R3HCC1L: variants seen among roughly 807,000 people sequenced by gnomAD.
The protein encoded by R3HCC1L is R3H domain and coiled-coil containing 1 like.
A neutral mutation model predicts 59.9 loss-of-function variants in R3HCC1L; 51 were observed. The ratio of observed to expected loss-of-function variants is 0.85; its 90% CI spans 0.68 to 1.07. The LOEUF (loss-of-function observed/expected upper bound fraction) is 1.07. R3HCC1L is among the 50% of genes least tolerant of loss of function. The probability of loss-of-function intolerance (pLI) is 0.00; values close to 1 mark genes in which losing one functional copy is unlikely to be tolerated. For missense variants in R3HCC1L, 965 were observed against 933.0 expected, an observed-to-expected ratio of 1.03 and a Z score of -0.45; for synonymous variants, 322 against 315.2, an observed-to-expected ratio of 1.02 and a Z score of -0.23.
chr10:98,193,197 C>G (rs182940059), intron 4 of R3HCC1L, among the ~76,000 whole-genome samples: 2 of 151,882 alleles, frequency 1.3e-5, no homozygotes, highest in Non-Finnish European at 2.9e-5. Context: ...GAAGTTTTTC[C>G]TCTAAGATCA....
intron 4 of R3HCC1L, among the ~76,000 whole-genome samples, chr10:98,188,241 G>A (rs1026293121): frequency 4.6e-5 from 7 of 152,166 alleles, no homozygotes; most frequent in African/African-American, 7.2e-5. Flanking sequence ...AACTAAAAAT[G>A]ATAAGGTATT....
chr10:98,209,645 A>G lies in R3HCC1L; in HGVS notation c.1531A>G (p.Ser511Gly). Residue 511 changes from serine (S) to glycine (G), a missense_variant, in exon 5 of 10, where the codon AGT (serine) becomes GGT (glycine). By Grantham distance (56) the Ser-to-Gly change is moderately conservative (BLOSUM62 0). Transcript: ENST00000298999. ...CAGTGCCGTGGGCATTGACCTGGGT[A>G]GTACTGGTGATACAACAGAAGCATT... ...SDSAVGIDLG[S>G]TGDTTEALHE... is the part of the protein sequence containing the mutation. 1 of 1,614,042 alleles carries G rather than the reference A, an allele frequency of 6.2e-7. No homozygotes were observed. Among genetic ancestry groups the G allele is most frequent in the Non-Finnish European group, 8.5e-7 (1 of 1,179,950 alleles).
At chr10:98,135,208 G>T (rs1037146831) in intron 1 of R3HCC1L, among the ~76,000 whole-genome samples, 1 of 152,066 alleles carries the variant, frequency 6.6e-6, no homozygotes. Flanking sequence ...GCTTTTTCTT[G>T]GCAGGCCTGC....
At chr10:98,213,104 A>T (rs188150487) in intron 5 of R3HCC1L, among the ~76,000 whole-genome samples, 70 of 152,282 alleles carry the variant, frequency 4.6e-4, no homozygotes, top group African/African-American at 1.7e-3. Context: ...GAAAACCCAA[A>T]ACTGAAAGGA....
rs751664482 is a variant in R3HCC1L at position 98,208,454 on chromosome 10, A to G, written c.340A>G (p.Lys114Glu). 1.2e-6 allele frequency: 2 copies of G among 1,614,182 alleles called. No individual in the cohort carries two copies. Among genetic ancestry groups the G allele is most frequent in the Admixed American group, 3.3e-5 (2 of 60,012 alleles). Residue 114 changes from lysine to glutamate, a missense_variant, in exon 5 of 10, where the codon AAA becomes GAA. Lys to Glu is a moderately conservative substitution (Grantham distance 56). Coordinates refer to ENST00000298999, the MANE Select transcript of R3HCC1L (RefSeq NM_001351015.2). The stretch of plus-strand genomic sequence containing the variant: ...TTCTAAGAGAGGAACCACTGAATCC[A>G]AAGAAGTATTATCCCAAGGACAACA... ...VCSKRGTTES[K>E]EVLSQGQQQG... is the part of the protein sequence containing the mutation.
intron 4 of R3HCC1L, among the ~76,000 whole-genome samples, chr10:98,199,692 T>G (rs1851833554): frequency 6.6e-6 from 1 of 151,838 alleles, no homozygotes; most frequent in African/African-American, 2.4e-5. Context: ...CTCTTAAAAG[T>G]AAACCTATTA....
intron 4 of R3HCC1L, among the ~76,000 whole-genome samples, chr10:98,193,905 C>G (rs750050613): frequency 6.6e-6 from 1 of 152,066 alleles, no homozygotes; most frequent in Non-Finnish European, 1.5e-5. Flanking sequence ...TTAAAATGTC[C>G]ATACTGTCCA....
At chr10:98,147,060 A>C (rs1845727212) in intron 1 of R3HCC1L, among the ~76,000 whole-genome samples, 1 of 152,018 alleles carries the variant, frequency 6.6e-6, no homozygotes, top group Non-Finnish European at 1.5e-5. Context: ...CCATATCCTC[A>C]CCAGCATCTG....
intron 1 of R3HCC1L, among the ~76,000 whole-genome samples, chr10:98,153,797 T>C (rs1476044530): frequency 7.6e-6 from 1 of 131,108 alleles, no homozygotes; most frequent in Non-Finnish European, 1.7e-5. Flanking sequence ...ATAAACTGTT[T>C]TACATCAAAA....
At chr10:98,169,114 GA>G (rs1216865155) in intron 4 of R3HCC1L, among the ~76,000 whole-genome samples, 2 of 152,198 alleles carry the variant, frequency 1.3e-5, no homozygotes, top group African/African-American at 4.8e-5. Context: ...GGCATGCCAT[GA>G]AAGCATTAAA....
rs1415515599 is a variant in R3HCC1L, at chr10:98,200,985, A to G, written c.-14-7116A>G. On this transcript the variant is annotated intron_variant, in intron 4 of 9. Coordinates refer to ENST00000298999, the MANE Select transcript of R3HCC1L (RefSeq NM_001351015.2). ...GTAACCTTGGTAACCCAATCATATA[A>G]CTCCCAGTACTGGGAGGGAAAATCG... 2.6e-5 allele frequency among the ~76,000 whole-genome samples: 4 copies of G among 152,164 alleles called. No individual in the cohort carries two copies. The East Asian group carries it at 7.7e-4, about 29-fold the overall frequency.
Position 98,209,153 on chromosome 10 carries a change from C to T in R3HCC1L, c.1039C>T (p.His347Tyr), listed in dbSNP as rs1424170872. ...DSTADELHVKHEPPDTAVLAH... is the reference protein window; with the variant it reads ...DSTADELHVKYEPPDTAVLAH... ...CACTGCTGATGAGTTACATGTAAAG[C>T]ACGAACCTCCTGATACAGCTGTCCT... Residue 347 changes from histidine to tyrosine, a missense_variant, in exon 5 of 10, where the codon CAC becomes TAC. Coordinates refer to ENST00000298999, the MANE Select transcript of R3HCC1L (RefSeq NM_001351015.2). 1 of 1,613,878 alleles carries T rather than the reference C, an allele frequency of 6.2e-7. No individual in the cohort carries two copies.
chr10:98,209,470 A>T lies in R3HCC1L; in HGVS notation c.1356A>T (p.Ser452=). 3.1e-6 allele frequency: 5 copies of T among 1,613,704 alleles called. No homozygotes were observed. The highest frequency in any genetic ancestry group is 4.2e-6 in the Non-Finnish European group (5 of 1,179,978). ...ACSDIYGESI[S]SHFTESTGKL... ...CAGATATTTATGGTGAGAGTATTTC[A>T]TCTCATTTTACAGAGTCAACAGGAA... Residue 452 remains serine (S), a synonymous_variant, in exon 5 of 10, where the codon TCA becomes TCT. Coordinates refer to ENST00000298999, the MANE Select transcript of R3HCC1L (RefSeq NM_001351015.2).
intron 5 of R3HCC1L, among the ~76,000 whole-genome samples, chr10:98,213,186 C>A (rs561273745): frequency 1.3e-5 from 2 of 152,280 alleles, no homozygotes; most frequent in Admixed American, 1.3e-4. Context: ...CATATCCCAA[C>A]CCCTCGAGGC....
At chr10:98,160,552 G>A (rs983608557) in intron 2 of R3HCC1L, among the ~76,000 whole-genome samples, 1 of 152,154 alleles carries the variant, frequency 6.6e-6, no homozygotes, top group Non-Finnish European at 1.5e-5. Flanking sequence ...GTGTTCAAAA[G>A]TTACTTGGAT....
intron 4 of R3HCC1L, among the ~76,000 whole-genome samples, chr10:98,188,087 A>C (rs879222899): frequency 6.6e-6 from 1 of 151,494 alleles, no homozygotes; most frequent in Non-Finnish European, 1.5e-5. Flanking sequence ...TACCTTTTAC[A>C]CACACACACA....
intron 9 of R3HCC1L, among the ~76,000 whole-genome samples, chr10:98,240,238 G>A (rs61875308): frequency 0.18 from 27,788 of 152,032 alleles, 2,685 homozygotes; most frequent in Non-Finnish European, 0.2. Flanking sequence ...CCTGAGAGGC[G>A]GAGGTTGCGG....
intron 3 of R3HCC1L, 144 bp downstream of exon 3, chr10:98,163,119 T>G: frequency 7.5e-5 from 21 of 281,042 alleles, no homozygotes; most frequent in East Asian, 1.7e-4. Context: ...ATTTGGTTGA[T>G]GAGCTTCTAA....
At chr10:98,180,997 T>A (rs1849569343) in intron 4 of R3HCC1L, among the ~76,000 whole-genome samples, 1 of 152,234 alleles carries the variant, frequency 6.6e-6, no homozygotes, top group Non-Finnish European at 1.5e-5. Flanking sequence ...TCTTGACTCT[T>A]TATCCAATTT....
Sources: gnomAD v4.1 joint callset for allele counts (sites outside exome capture counted in the v4.1 genomes callset) on GRCh38, gnomAD v4.1.1 for gene constraint, MANE v1.5 for transcripts, NCBI Gene and HGNC (gene_info 2026-07-23, HGNC 2026-07-21) for gene names.